The following CSMD1 variants were observed in gnomAD, a reference collection of about 807,000 sequenced individuals.
The protein encoded by CSMD1 is CUB and sushi domain-containing protein 1.
Under a neutral mutation model 417.5 loss-of-function variants are expected in CSMD1, and 213 were observed. That is an observed-to-expected ratio of 0.51 (90% CI 0.46 to 0.57). CSMD1 has a LOEUF of 0.57. Among genes scored for constraint, CSMD1 ranks in the 20% least tolerant of loss-of-function variants. The pLI, the probability that CSMD1 is intolerant of heterozygous loss-of-function variation, is 0.00. For missense variants in CSMD1, 6,923 were observed against 4,529.7 expected (o/e 1.53, Z -15.17); for synonymous variants, 2,862 against 1,736.8 (o/e 1.65, Z -16.11).
intron 23 of CSMD1, among the ~76,000 whole-genome samples, chr8:3,336,404 G>A (rs545295471): frequency 5.3e-5 from 8 of 152,124 alleles, no homozygotes; most frequent in Non-Finnish European, 1.2e-4. Context: ...AGAGTCTGAA[G>A]AAAAACATAC....
intron 7 of CSMD1, among the ~76,000 whole-genome samples, chr8:3,684,658 C>G (rs1197497603): frequency 2.0e-5 from 3 of 146,610 alleles, no homozygotes; most frequent in Non-Finnish European, 4.5e-5. Context: ...AGTGCAGTGG[C>G]GCTATCTCCG....
chr8:3,038,199 C>A (rs10097348), intron 50 of CSMD1, among the ~76,000 whole-genome samples: 34,730 of 152,084 alleles, frequency 0.23, 4,133 homozygotes, highest in East Asian at 0.43. Flanking sequence ...CGAGACAAGA[C>A]CAACACTAAA....
In CSMD1 at chr8:3,899,520, C is replaced by T. The variant is rs889098591; in HGVS notation, c.818+98383G>A. On this transcript the variant is annotated intron_variant, in intron 5 of 69. Transcript: ENST00000635120. ...GAAGGACCCTCATTTTGGATGCTGT[C>T]ATAAGGAAGTGGAAAAACATCTAAG... 3.3e-5 allele frequency among the ~76,000 whole-genome samples: 5 copies of T among 152,112 alleles called. No individual in the cohort carries two copies. In the Middle Eastern group the frequency reaches 0.01, roughly 310 times the overall value.
intron 1 of CSMD1, among the ~76,000 whole-genome samples, chr8:4,893,868 C>G (rs759690542): frequency 6.6e-6 from 1 of 151,878 alleles, no homozygotes; most frequent in African/African-American, 2.4e-5. Flanking sequence ...CCTTTTTTCC[C>G]CAAAAACAGA....
intron 5 of CSMD1, among the ~76,000 whole-genome samples, chr8:3,913,529 G>C (rs766858400): frequency 6.6e-6 from 1 of 152,136 alleles, no homozygotes; most frequent in African/African-American, 2.4e-5. Flanking sequence ...AGGATGGAGC[G>C]AGCCCTAGGT....
intron 1 of CSMD1, among the ~76,000 whole-genome samples, chr8:4,783,464 C>A (rs945596482): frequency 1.3e-5 from 2 of 152,128 alleles, no homozygotes; most frequent in Non-Finnish European, 2.9e-5. Context: ...CTGGTCAGAA[C>A]AATGTATCCA....
intron 5 of CSMD1, among the ~76,000 whole-genome samples, chr8:3,888,448 C>A (rs1313302027): frequency 1.3e-5 from 2 of 152,104 alleles, no homozygotes; most frequent in Non-Finnish European, 2.9e-5. Flanking sequence ...TGTGCAAATG[C>A]ATAATTAAAA....
chr8:4,407,361 T>A (rs1399340665), intron 3 of CSMD1, among the ~76,000 whole-genome samples: 1 of 152,240 alleles, frequency 6.6e-6, no homozygotes, highest in Non-Finnish European at 1.5e-5. Flanking sequence ...AAACTCAATT[T>A]TTACTATGAC....
chr8:3,854,082 A>G (rs1222549949), intron 5 of CSMD1, among the ~76,000 whole-genome samples: 1 of 146,472 alleles, frequency 6.8e-6, no homozygotes, highest in African/African-American at 2.5e-5. Context: ...ATAATATACT[A>G]AAGAAAAATT....
At chr8:3,852,551 G>A (rs950419068) in intron 5 of CSMD1, among the ~76,000 whole-genome samples, 1 of 152,178 alleles carries the variant, frequency 6.6e-6, no homozygotes, top group African/African-American at 2.4e-5. Flanking sequence ...AGGGATTGAG[G>A]AAGGTGGGAG....
chr8:4,579,007 C>G (rs970635976), intron 2 of CSMD1, among the ~76,000 whole-genome samples: 1 of 151,644 alleles, frequency 6.6e-6, no homozygotes, highest in Non-Finnish European at 1.5e-5. Flanking sequence ...GAAAATTGTA[C>G]ATAAATGTTT....
intron 4 of CSMD1, among the ~76,000 whole-genome samples, chr8:4,020,283 C>A (rs1475959852): frequency 6.6e-6 from 1 of 152,212 alleles, no homozygotes. Context: ...CCCCAGGTGA[C>A]CAGTGCAGAG....
intron 1 of CSMD1, among the ~76,000 whole-genome samples, chr8:4,661,229 G>C (rs538920931): frequency 6.6e-6 from 1 of 152,120 alleles, no homozygotes; most frequent in Admixed American, 6.5e-5. Flanking sequence ...CCTTTAATGA[G>C]TGAATGGCTA....
At chr8:3,768,196 G>C (rs1013684386) in intron 5 of CSMD1, among the ~76,000 whole-genome samples, 55 of 152,304 alleles carry the variant, frequency 3.6e-4, no homozygotes, top group African/African-American at 1.3e-3. Flanking sequence ...TCTTTAGGAA[G>C]AGTGGTTCCT....
intron 2 of CSMD1, among the ~76,000 whole-genome samples, chr8:4,476,366 C>T (rs564929623): frequency 6.6e-6 from 1 of 152,076 alleles, no homozygotes; most frequent in Non-Finnish European, 1.5e-5. Context: ...GTATTCAGCA[C>T]AATTTTGGCT....
intron 7 of CSMD1, among the ~76,000 whole-genome samples, chr8:3,695,709 A>T (rs1453832846): frequency 6.6e-6 from 1 of 152,208 alleles, no homozygotes; most frequent in Non-Finnish European, 1.5e-5. Context: ...AAGTTACTAA[A>T]ACAGCAGTTT....
At position 4,367,831 on chromosome 8, in the gene CSMD1, G is replaced by C. The variant is rs148992946; in HGVS notation, c.415+52122C>G. ...TATTCTTTGTGCTATTTTTAAATAGGATTGTGTTCTTAATTCGGCTTTGAG... is the reference window on the plus strand; with the variant it reads ...TATTCTTTGTGCTATTTTTAAATAGCATTGTGTTCTTAATTCGGCTTTGAG... On this transcript the variant is annotated intron_variant, in intron 3 of 69. Coordinates refer to ENST00000635120, the MANE Select transcript of CSMD1 (RefSeq NM_033225.6). 2.9e-3 allele frequency among the ~76,000 whole-genome samples: 434 copies of C among 152,214 alleles called. 3 individuals are homozygous for C. The highest frequency in any genetic ancestry group is 9.7e-3 in the African/African-American group (403 of 41,530).
chr8:4,160,233 A>T (rs1242864043), intron 3 of CSMD1, among the ~76,000 whole-genome samples: 1 of 152,164 alleles, frequency 6.6e-6, no homozygotes, highest in Non-Finnish European at 1.5e-5. Flanking sequence ...GTTCTTTCTA[A>T]AGTCTAACTT....
intron 3 of CSMD1, among the ~76,000 whole-genome samples, chr8:4,227,286 C>A (rs1009924927): frequency 1.3e-5 from 2 of 152,110 alleles, no homozygotes; most frequent in Middle Eastern, 3.2e-3. Context: ...CATATCCCCT[C>A]GGTCTGCCTT....
Sources: allele counts gnomAD v4.1 joint callset (sites outside exome capture counted in the v4.1 genomes callset), GRCh38; gene constraint gnomAD v4.1.1; transcripts MANE v1.5; gene names NCBI Gene and HGNC (gene_info 2026-07-23, HGNC 2026-07-21).